GRIN2B: variants seen among roughly 807,000 people sequenced by gnomAD.
The protein encoded by GRIN2B is glutamate receptor ionotropic, NMDA 2B.
A neutral mutation model predicts 114.5 loss-of-function variants in GRIN2B; 5 were observed. That is an observed-to-expected ratio of 0.04 (90% CI 0.02 to 0.09). The LOEUF (loss-of-function observed/expected upper bound fraction) is 0.09. Ranked by LOEUF, GRIN2B falls within the 10% of genes least tolerant of loss-of-function variation. The pLI, the probability that GRIN2B is intolerant of heterozygous loss-of-function variation, is 1.00. For synonymous variants in GRIN2B, 787 were observed against 745.1 expected (o/e 1.06, Z -0.92); for missense variants, 1,108 against 1,943.5 (o/e 0.57, Z 8.08).
At chr12:13,576,377 G>A (rs1003921165) in intron 10 of GRIN2B, among the ~76,000 whole-genome samples, 1 of 152,032 alleles carries the variant, frequency 6.6e-6, no homozygotes, top group Admixed American at 6.6e-5. Flanking sequence ...ATTTAGCGCT[G>A]TCAAGAACCA....
At chr12:13,846,852 AG>A (rs770782376) in intron 3 of GRIN2B, among the ~76,000 whole-genome samples, 4 of 152,158 alleles carry the variant, frequency 2.6e-5, no homozygotes, top group Non-Finnish European at 5.9e-5. Flanking sequence ...GGGAGAAAGG[AG>A]GGGAGGATTC....
intron 3 of GRIN2B, among the ~76,000 whole-genome samples, chr12:13,783,733 A>G (rs1317869505): frequency 6.6e-6 from 1 of 152,124 alleles, no homozygotes; most frequent in Non-Finnish European, 1.5e-5. Context: ...TGATCAGAGG[A>G]AAAGAGTGTG....
At chr12:13,697,727 T>C (rs1459775508) in intron 4 of GRIN2B, among the ~76,000 whole-genome samples, 1 of 152,142 alleles carries the variant, frequency 6.6e-6, no homozygotes, top group Non-Finnish European at 1.5e-5. Flanking sequence ...GAAAACATGG[T>C]ATCCAAGTTA....
intron 5 of GRIN2B, among the ~76,000 whole-genome samples, chr12:13,646,903 C>T (rs1949766039): frequency 1.3e-5 from 2 of 152,082 alleles, no homozygotes; most frequent in African/African-American, 4.8e-5. Flanking sequence ...CATTTGTCAA[C>T]TACCTATGAA....
At chr12:13,852,487 A>G (rs904779846) in intron 3 of GRIN2B, among the ~76,000 whole-genome samples, 2 of 152,036 alleles carry the variant, frequency 1.3e-5, no homozygotes, top group Non-Finnish European at 2.9e-5. Context: ...ACAAAACAAA[A>G]CCTGCATAAT....
intron 2 of GRIN2B, among the ~76,000 whole-genome samples, chr12:13,933,478 C>T (rs113701079): frequency 1.1e-4 from 17 of 152,286 alleles, no homozygotes; most frequent in African/African-American, 3.1e-4. Flanking sequence ...CTCCTTGATA[C>T]GGTCCTACCT....
At chr12:13,632,842 T>A (rs528588736) in intron 5 of GRIN2B, among the ~76,000 whole-genome samples, 1 of 152,302 alleles carries the variant, frequency 6.6e-6, no homozygotes, top group East Asian at 1.9e-4. Flanking sequence ...TGTAATGTGA[T>A]TAAAATGCTG....
intron 2 of GRIN2B, among the ~76,000 whole-genome samples, chr12:13,935,089 T>C (rs962105822): frequency 3.3e-5 from 5 of 152,260 alleles, no homozygotes; most frequent in East Asian, 1.9e-4. Context: ...GATAGAGAGA[T>C]AGAAGGAACA....
At chr12:13,784,930 T>C (rs1176595131) in intron 3 of GRIN2B, among the ~76,000 whole-genome samples, 2 of 152,250 alleles carry the variant, frequency 1.3e-5, no homozygotes, top group Non-Finnish European at 2.9e-5. Flanking sequence ...GCTAACCTTA[T>C]GAGAAACGAG....
At position 13,571,845 on chromosome 12, in the gene GRIN2B, G is replaced by A; in HGVS notation, c.2130C>T (p.Asn710=). 1 of 1,614,064 alleles carries A rather than the reference G, an allele frequency of 6.2e-7. No homozygotes were observed. The highest frequency in any genetic ancestry group is 8.5e-7 in the Non-Finnish European group (1 of 1,179,910). Residue 710 remains asparagine, a synonymous_variant, in exon 11 of 14, where the codon AAC becomes AAT. Coordinates refer to ENST00000609686, the MANE Select transcript of GRIN2B (RefSeq NM_000834.5). ...AEMHAYMGKF[N]QRGVDDALLS... ...GCAATGCATCATCTACACCCCTCTG[G>A]TTGAACTTTCCCATGTAGGCATGCA...
chr12:13,669,936 G>T (rs184639663), intron 5 of GRIN2B, among the ~76,000 whole-genome samples: 309 of 152,194 alleles, frequency 2.0e-3, no homozygotes, highest in Non-Finnish European at 4.1e-3. Context: ...TGGACATGAG[G>T]TCACCAGAGA....
In GRIN2B at chr12:13,568,253, GA is replaced by G. The variant is rs200590568; in HGVS notation, c.2360-991del. 7.7e-4 allele frequency among the ~76,000 whole-genome samples: 118 copies of G among 152,262 alleles called. No individual in the cohort carries two copies. In the East Asian group the frequency reaches 0.02, roughly 26 times the overall value. On this transcript the variant is annotated intron_variant, in intron 12 of 13. Transcript: ENST00000609686. ...GGTCCCAGACAAAAGGAAAGTAAAA[GA>G]AACCATGTGCCCTAGAATGCATCTA...
Position 13,635,201 on chromosome 12 carries a change from G to A in GRIN2B, c.1126-18544C>T, listed in dbSNP as rs895381804. Among the ~76,000 whole-genome samples the A allele has an allele frequency of 5.9e-5, 9 of 152,160 alleles. No homozygotes were observed. The East Asian group carries it at 1.7e-3, about 29-fold the overall frequency. Reference sequence around the variant, plus strand: ...TGATGGAATATTAATGCTGAGAGGAGGCTGAGAAACGTAGACTGTGGAGGA... The same window carrying A: ...TGATGGAATATTAATGCTGAGAGGAAGCTGAGAAACGTAGACTGTGGAGGA... On this transcript the variant is annotated intron_variant, in intron 5 of 13. Coordinates refer to ENST00000609686, the MANE Select transcript of GRIN2B (RefSeq NM_000834.5).
chr12:13,737,223 T>G (rs1413845856), intron 4 of GRIN2B, among the ~76,000 whole-genome samples: 2 of 151,832 alleles, frequency 1.3e-5, no homozygotes, highest in South Asian at 2.1e-4. Flanking sequence ...TTTTTTTTCT[T>G]TTTTTTGAGA....
chr12:13,752,812 C>A (rs1264425064), intron 4 of GRIN2B, among the ~76,000 whole-genome samples: 3 of 152,160 alleles, frequency 2.0e-5, no homozygotes, highest in African/African-American at 4.8e-5. Context: ...ATCCGCATAA[C>A]CTGTTCTTCA....
At chr12:13,949,738 A>C (rs886500792) in intron 2 of GRIN2B, among the ~76,000 whole-genome samples, 7 of 152,186 alleles carry the variant, frequency 4.6e-5, no homozygotes, top group Non-Finnish European at 1.0e-4. Flanking sequence ...CATTCAATGT[A>C]GTGTATATTG....
At position 13,547,981 on chromosome 12, in the gene GRIN2B, A is replaced by ATATATATATATATATTTTTTTTTTTTTT; in HGVS notation, c.*14801_*14802insAAAAAAAAAAAAAATATATATATATATA. On this transcript the variant is annotated 3_prime_UTR_variant, in exon 14 of 14. Coordinates refer to ENST00000609686, the MANE Select transcript of GRIN2B (RefSeq NM_000834.5). Reference sequence around the variant, plus strand: ...TGTGTATATATATATATATATATATATTTTTTTTTTTTTTCTGAAAGCTAC... The same window carrying ATATATATATATATATTTTTTTTTTTTTT: ...TGTGTATATATATATATATATATATATATATATATATATATTTTTTTTTTTTTTTTTTTTTTTTTTTTCTGAAAGCTAC... 36 of 68,494 alleles carry ATATATATATATATATTTTTTTTTTTTTT rather than the reference A, an allele frequency of 5.3e-4. No homozygotes were observed. Among genetic ancestry groups the ATATATATATATATATTTTTTTTTTTTTT allele is most frequent in the East Asian group, 2.3e-3 (4 of 1,738 alleles). 4.2% of individuals were successfully genotyped at this position (68,494 alleles called of 1,614,324 possible).
chr12:13,909,680 C>T (rs573989447), intron 2 of GRIN2B, among the ~76,000 whole-genome samples: 9 of 152,060 alleles, frequency 5.9e-5, no homozygotes, highest in Non-Finnish European at 1.2e-4. Flanking sequence ...TAGAAAGACT[C>T]GGGAAGAAAA....
At chr12:13,674,916 T>C (rs1361944929) in intron 5 of GRIN2B, among the ~76,000 whole-genome samples, 1 of 152,152 alleles carries the variant, frequency 6.6e-6, no homozygotes, top group African/African-American at 2.4e-5. Flanking sequence ...CTCCCAACCT[T>C]ATGTATCTGT....
Sources: allele counts gnomAD v4.1 joint callset (sites outside exome capture counted in the v4.1 genomes callset), GRCh38; gene constraint gnomAD v4.1.1; transcripts MANE v1.5; gene names NCBI Gene and HGNC (gene_info 2026-07-23, HGNC 2026-07-21).